The following PVT1 variants were observed in gnomAD, a reference collection of about 807,000 sequenced individuals.
The protein encoded by PVT1 is CXCR4/PVT1 fusion.
intron 4 of PVT1, among the ~76,000 whole-genome samples, chr8:128,058,807 T>C (rs182761117): frequency 7.8e-4 from 119 of 152,280 alleles, no homozygotes; most frequent in Middle Eastern, 6.8e-3. Context: ...ACCCCCAGCA[T>C]GACAGACGAC....
chr8:128,071,869 C>T (rs1814000591), intron 5 of PVT1, among the ~76,000 whole-genome samples: 1 of 152,090 alleles, frequency 6.6e-6, no homozygotes, highest in African/African-American at 2.4e-5. Context: ...ACATCACAGG[C>T]TCCTACAGAA....
intron 3 of PVT1, among the ~76,000 whole-genome samples, chr8:127,970,803 CTA>C (rs1332552124): frequency 2.6e-5 from 4 of 152,142 alleles, no homozygotes; most frequent in African/African-American, 9.7e-5. Context: ...CTGAGAATCA[CTA>C]TTACCTTAAA....
At chr8:127,959,928 A>T (rs1229678996) in intron 3 of PVT1, among the ~76,000 whole-genome samples, 1 of 152,176 alleles carries the variant, frequency 6.6e-6, no homozygotes, top group African/African-American at 2.4e-5. Context: ...ATTGGCATCC[A>T]CTTAACCATC....
chr8:127,982,982 C>G (rs1427831975), intron 3 of PVT1, among the ~76,000 whole-genome samples: 3 of 152,166 alleles, frequency 2.0e-5, no homozygotes, highest in South Asian at 4.1e-4. Context: ...TGGGAGTACA[C>G]AGGGCAGGGA....
intron 3 of PVT1, among the ~76,000 whole-genome samples, chr8:127,951,365 C>T (rs563135844): frequency 6.6e-6 from 1 of 152,318 alleles, no homozygotes; most frequent in African/African-American, 2.4e-5. Context: ...TTGTCATACC[C>T]GTGCACTAGC....
rs192429305 is a variant in PVT1 at position 127,973,872 on chromosome 8, C to T, written n.783-15290C>T. The stretch of plus-strand genomic sequence containing the variant: ...GTGGATGCCTGTAGTCCCAGCTACT[C>T]GGGAGGCTGAGGCAGGAGAATGGCG... On this transcript the variant is annotated intron_variant and non_coding_transcript_variant, in intron 3 of 10. Coordinates refer to ENST00000651587, the Ensembl canonical transcript of PVT1. 1.8e-4 allele frequency among the ~76,000 whole-genome samples: 27 copies of T among 151,386 alleles called. No homozygotes were observed. The East Asian group carries it at 4.1e-3, about 23-fold the overall frequency.
intron 3 of PVT1, among the ~76,000 whole-genome samples, chr8:127,967,457 C>T (rs1183332280): frequency 1.3e-5 from 2 of 152,228 alleles, no homozygotes; most frequent in Non-Finnish European, 2.9e-5. Context: ...AGAAAAACGG[C>T]AGAGGCTAGC....
chr8:127,821,054 G>A (rs1814722391), intron 2 of PVT1, among the ~76,000 whole-genome samples: 1 of 152,146 alleles, frequency 6.6e-6, no homozygotes, highest in African/African-American at 2.4e-5. Context: ...TGTTTTGAGA[G>A]CTAGAGAAAG....
chr8:127,819,699 G>C (rs924462661), intron 2 of PVT1, among the ~76,000 whole-genome samples: 9 of 152,222 alleles, frequency 5.9e-5, no homozygotes, highest in African/African-American at 2.2e-4. Flanking sequence ...CAGCAGAGCA[G>C]TTGGGGATGC....
intron 4 of PVT1, among the ~76,000 whole-genome samples, chr8:128,037,399 G>A (rs1042442656): frequency 3.3e-5 from 5 of 152,100 alleles, no homozygotes; most frequent in Non-Finnish European, 5.9e-5. Context: ...GCTTTGATTC[G>A]CTATAGAGAA....
intron 5 of PVT1, among the ~76,000 whole-genome samples, chr8:128,089,847 A>C (rs1814328467): frequency 6.6e-6 from 1 of 152,214 alleles, no homozygotes; most frequent in Non-Finnish European, 1.5e-5. Context: ...ACCGTTAGAG[A>C]ATGATTTCAT....
intron 3 of PVT1, among the ~76,000 whole-genome samples, chr8:127,931,183 G>A (rs955358237): frequency 6.6e-6 from 1 of 152,200 alleles, no homozygotes; most frequent in Non-Finnish European, 1.5e-5. Flanking sequence ...TGGAATTGCA[G>A]GTGTGAGCCA....
intron 3 of PVT1, among the ~76,000 whole-genome samples, chr8:127,893,838 G>T (rs1414195509): frequency 6.6e-6 from 1 of 152,204 alleles, no homozygotes; most frequent in Non-Finnish European, 1.5e-5. Flanking sequence ...GGGATGACAG[G>T]TGTATACGAG....
chr8:127,885,892 T>C (rs1815516976), intron 2 of PVT1, among the ~76,000 whole-genome samples: 1 of 152,206 alleles, frequency 6.6e-6, no homozygotes, highest in South Asian at 2.1e-4. Context: ...AGCTTCCTTT[T>C]GAAGCCATCT....
intron 3 of PVT1, among the ~76,000 whole-genome samples, chr8:127,893,227 A>T (rs1274573535): frequency 6.6e-6 from 1 of 152,154 alleles, no homozygotes; most frequent in Non-Finnish European, 1.5e-5. Context: ...GAGCTATGAG[A>T]TGCGCACCAT....
chr8:128,067,922 A>G (rs1466304062), intron 4 of PVT1, among the ~76,000 whole-genome samples: 1 of 134,946 alleles, frequency 7.4e-6, no homozygotes, highest in African/African-American at 2.7e-5. Context: ...CTCTGCTCTT[A>G]TTTTTCTATT....
At chr8:127,895,641 C>A (rs1398862613) in intron 3 of PVT1, among the ~76,000 whole-genome samples, 1 of 151,860 alleles carries the variant, frequency 6.6e-6, no homozygotes, top group Non-Finnish European at 1.5e-5. Context: ...ATTAGAAGGT[C>A]AAAGCATATA....
intron 2 of PVT1, among the ~76,000 whole-genome samples, chr8:127,855,963 G>T (rs1815155904): frequency 1.3e-5 from 2 of 152,160 alleles, no homozygotes; most frequent in Admixed American, 6.5e-5. Flanking sequence ...TCCCTGACCA[G>T]GCCACCTGAC....
chr8:127,826,598 G>A (rs1375827846), intron 2 of PVT1, among the ~76,000 whole-genome samples: 1 of 152,168 alleles, frequency 6.6e-6, no homozygotes, highest in Non-Finnish European at 1.5e-5. Context: ...GTGTAAAGGA[G>A]GATAACACAC....
Sources: allele counts gnomAD v4.1 joint callset (sites outside exome capture counted in the v4.1 genomes callset), GRCh38; gene constraint gnomAD v4.1.1; transcripts MANE v1.5; gene names NCBI Gene and HGNC (gene_info 2026-07-23, HGNC 2026-07-21).